Variants in VTI1A observed in about 807,000 individuals in gnomAD.
VTI1A encodes vesicle transport through interaction with t-SNAREs homolog 1A.
VTI1A carries 22 observed loss-of-function variants against 34.9 expected under a neutral mutation model. The ratio of observed to expected loss-of-function variants is 0.63; its 90% CI spans 0.45 to 0.90. The LOEUF (loss-of-function observed/expected upper bound fraction) is 0.90, where lower values mean the gene tolerates loss of function less well. VTI1A is among the 40% of genes least tolerant of loss of function. The pLI is 0.00. For missense variants in VTI1A, 268 were observed against 275.6 expected (o/e 0.97, Z 0.20); for synonymous variants, 87 against 97.3 (o/e 0.89, Z 0.62).
chr10:112,851,857 G>C, the VTI1A span, among the ~76,000 whole-genome samples: 1 of 152,140 alleles, frequency 6.6e-6, no homozygotes, highest in Non-Finnish European at 1.5e-5. Flanking sequence ...TAGGAAGACT[G>C]TTTCTCAACC....
At chr10:112,630,890 G>C (rs1055085392) in intron 5 of VTI1A, among the ~76,000 whole-genome samples, 1 of 152,156 alleles carries the variant, frequency 6.6e-6, no homozygotes, top group Non-Finnish European at 1.5e-5. Context: ...GGGAGGCTGA[G>C]GGGGGCGGAT....
intron 5 of VTI1A, among the ~76,000 whole-genome samples, chr10:112,651,376 T>A (rs572053717): frequency 6.6e-5 from 10 of 152,332 alleles, no homozygotes; most frequent in Admixed American, 5.2e-4. Flanking sequence ...AGTGGTGCGA[T>A]CTCCGCTTAC....
chr10:112,626,282 G>C (rs972080692), intron 5 of VTI1A, among the ~76,000 whole-genome samples: 1 of 152,040 alleles, frequency 6.6e-6, no homozygotes. Flanking sequence ...TATGAATTTT[G>C]GGGCAACTGC....
chr10:112,774,685 A>G (rs1851906906), intron 7 of VTI1A, among the ~76,000 whole-genome samples: 1 of 152,146 alleles, frequency 6.6e-6, no homozygotes, highest in Non-Finnish European at 1.5e-5. Context: ...CTAATGTACA[A>G]TATTAGGAGA....
At chr10:112,504,017 T>TAAA (rs1213376072) in intron 3 of VTI1A, among the ~76,000 whole-genome samples, 9 of 152,198 alleles carry the variant, frequency 5.9e-5, no homozygotes, top group Non-Finnish European at 1.3e-4. Flanking sequence ...AAGATCTCAC[T>TAAA]GTTTTGGAAC....
intron 7 of VTI1A, among the ~76,000 whole-genome samples, chr10:112,680,517 A>T (rs1848174457): frequency 6.6e-6 from 1 of 152,180 alleles, no homozygotes; most frequent in African/African-American, 2.4e-5. Flanking sequence ...CTTCAACATC[A>T]AATGTTTAAT....
At chr10:112,546,388 G>A (rs1199379142) in intron 5 of VTI1A, among the ~76,000 whole-genome samples, 1 of 152,020 alleles carries the variant, frequency 6.6e-6, no homozygotes, top group African/African-American at 2.4e-5. Context: ...GCAACATAGT[G>A]AGATGCCCTC....
At chr10:112,652,692 A>G (rs1847080673) in intron 5 of VTI1A, among the ~76,000 whole-genome samples, 2 of 142,338 alleles carry the variant, frequency 1.4e-5, no homozygotes, top group Admixed American at 1.5e-4. Flanking sequence ...ATGCCAGTGC[A>G]CTCTAGCCTG....
intron 3 of VTI1A, among the ~76,000 whole-genome samples, chr10:112,510,025 T>G (rs1224773540): frequency 6.6e-6 from 1 of 152,218 alleles, no homozygotes; most frequent in Non-Finnish European, 1.5e-5. Context: ...TCTTCTGTGT[T>G]CTTTGCAAGG....
intron 3 of VTI1A, among the ~76,000 whole-genome samples, chr10:112,509,139 T>A (rs1265859921): frequency 6.6e-6 from 1 of 152,242 alleles, no homozygotes; most frequent in Admixed American, 6.5e-5. Context: ...GCTGGCATTC[T>A]CAATAATAAT....
intron 3 of VTI1A, among the ~76,000 whole-genome samples, chr10:112,481,764 T>C (rs1848465031): frequency 6.6e-6 from 1 of 152,236 alleles, no homozygotes; most frequent in Non-Finnish European, 1.5e-5. Flanking sequence ...GCAGAATTGC[T>C]CTTTGCCTCC....
downstream of VTI1A, among the ~76,000 whole-genome samples, chr10:112,819,889 A>G (rs563381812): frequency 6.6e-6 from 1 of 152,288 alleles, no homozygotes; most frequent in South Asian, 2.1e-4. Context: ...GTGTTGGGTC[A>G]ATATCAGGGA....
intron 3 of VTI1A, among the ~76,000 whole-genome samples, chr10:112,483,423 A>G (rs1041465174): frequency 2.6e-5 from 4 of 152,204 alleles, no homozygotes; most frequent in African/African-American, 9.7e-5. Context: ...CTACCTTGAT[A>G]TTGATACTTT....
chr10:112,462,144 G>A (rs2419634), intron 2 of VTI1A, among the ~76,000 whole-genome samples: 22 of 152,260 alleles, frequency 1.4e-4, no homozygotes, highest in African/African-American at 4.6e-4. Context: ...GCCACTGTGC[G>A]CAGCCGATAC....
At chr10:112,677,756 G>T in intron 7 of VTI1A, 1 of 152,400 alleles carries the variant, frequency 6.6e-6, no homozygotes, top group Non-Finnish European at 1.5e-5. Context: ...TTGATAACCA[G>T]TTGATAACGT....
At chr10:112,597,958 A>G (rs1432073785) in intron 5 of VTI1A, among the ~76,000 whole-genome samples, 1 of 151,784 alleles carries the variant, frequency 6.6e-6, no homozygotes, top group Non-Finnish European at 1.5e-5. Flanking sequence ...CTGCCTCCCA[A>G]AGTGCTGGGA....
chr10:112,552,619 A>C (rs995044726), intron 5 of VTI1A, among the ~76,000 whole-genome samples: 1 of 152,146 alleles, frequency 6.6e-6, no homozygotes, highest in African/African-American at 2.4e-5. Context: ...AAAAAAAAAA[A>C]AACCATTGAC....
At chr10:112,596,053 A>G (rs1482478445) in intron 5 of VTI1A, among the ~76,000 whole-genome samples, 1 of 151,804 alleles carries the variant, frequency 6.6e-6, no homozygotes, top group Non-Finnish European at 1.5e-5. Context: ...TCAGTAAACT[A>G]TCGCAAGGAC....
At chr10:112,517,745 A>G (rs1015385512) in intron 3 of VTI1A, among the ~76,000 whole-genome samples, 13 of 152,092 alleles carry the variant, frequency 8.5e-5, no homozygotes, top group Admixed American at 8.5e-4. Flanking sequence ...GGCAAATCCT[A>G]ATTGAGGCAC....
Sources: allele counts gnomAD v4.1 joint callset (sites outside exome capture counted in the v4.1 genomes callset), GRCh38; gene constraint gnomAD v4.1.1; transcripts MANE v1.5; gene names NCBI Gene and HGNC (gene_info 2026-07-23, HGNC 2026-07-21).